SLC8A3: variants seen among roughly 807,000 people sequenced by gnomAD.
The protein encoded by SLC8A3 is solute carrier family 8 member A3.
Under a neutral mutation model 65.4 loss-of-function variants are expected in SLC8A3, and 37 were observed. That is an observed-to-expected ratio of 0.57 (90% CI 0.44 to 0.74). SLC8A3 has a LOEUF of 0.74. SLC8A3 is among the 30% of genes least tolerant of loss of function. SLC8A3 has a pLI of 0.00. For missense variants in SLC8A3, 1,112 were observed against 1,172.1 expected, an observed-to-expected ratio of 0.95 and a Z score of 0.75; for synonymous variants, 461 against 444.5, an observed-to-expected ratio of 1.04 and a Z score of -0.47.
At chr14:70,088,127 T>A (rs1891562523) in intron 2 of SLC8A3, among the ~76,000 whole-genome samples, 1 of 152,200 alleles carries the variant, frequency 6.6e-6, no homozygotes, top group South Asian at 2.1e-4. Context: ...AAGAAGATTA[T>A]GAATACTGAG....
intron 2 of SLC8A3, among the ~76,000 whole-genome samples, chr14:70,123,729 C>A (rs935021440): frequency 6.6e-6 from 1 of 152,092 alleles, no homozygotes; most frequent in African/African-American, 2.4e-5. Context: ...GGATTACAGG[C>A]GTGAGCCACC....
At position 70,128,119 on chromosome 14, in the gene SLC8A3, T is replaced by C. The variant is rs1894597315; in HGVS notation, c.1784+38520A>G. Among the ~76,000 whole-genome samples, 5 of 152,364 alleles carry C rather than the reference T, an allele frequency of 3.3e-5. No individual in the cohort carries two copies. The South Asian group carries it at 1.0e-3, about 32-fold the overall frequency. ...TACTTAAGGGCAATCCTATACATCC[T>C]GTTATGATGGATTGAAATTGGGCAG... On this transcript the variant is annotated intron_variant, in intron 2 of 6. Transcript: ENST00000356921.
intron 3 of SLC8A3, among the ~76,000 whole-genome samples, chr14:70,055,971 C>T (rs1453219176): frequency 1.3e-5 from 2 of 152,178 alleles, no homozygotes; most frequent in Non-Finnish European, 2.9e-5. Context: ...AAAAAGAAGC[C>T]TTTGGAGCAT....
At chr14:70,095,088 T>A (rs1892077124) in intron 2 of SLC8A3, among the ~76,000 whole-genome samples, 1 of 151,730 alleles carries the variant, frequency 6.6e-6, no homozygotes, top group South Asian at 2.1e-4. Flanking sequence ...CATAGAGACG[T>A]TGTGAGGTTT....
intron 2 of SLC8A3, among the ~76,000 whole-genome samples, chr14:70,161,183 G>T (rs370858672): frequency 6.9e-6 from 1 of 145,014 alleles, no homozygotes; most frequent in East Asian, 2.0e-4. Context: ...CTAGCTACTC[G>T]GGAGGCTGAG....
At chr14:70,051,515 G>T (rs1316470881) in intron 4 of SLC8A3, among the ~76,000 whole-genome samples, 4 of 152,034 alleles carry the variant, frequency 2.6e-5, no homozygotes. Context: ...TGCCCAGGCT[G>T]GTCTCAAATT....
chr14:70,147,143 G>A (rs1403769438), intron 2 of SLC8A3, among the ~76,000 whole-genome samples: 3 of 152,106 alleles, frequency 2.0e-5, no homozygotes, highest in Non-Finnish European at 1.5e-5. Flanking sequence ...TGCTTGGAAA[G>A]GTTTTCTATG....
chr14:70,144,773 G>T (rs1436527145), intron 2 of SLC8A3, among the ~76,000 whole-genome samples: 1 of 152,088 alleles, frequency 6.6e-6, no homozygotes, highest in African/African-American at 2.4e-5. Context: ...TCATTCAGTT[G>T]CCAGTTGCAT....
chr14:70,095,452 A>C (rs189200068), intron 2 of SLC8A3, among the ~76,000 whole-genome samples: 1 of 152,320 alleles, frequency 6.6e-6, no homozygotes, highest in Admixed American at 6.5e-5. Flanking sequence ...ATCTGTGAAA[A>C]GCACACAACT....
chr14:70,164,288 T>G (rs1011551731), intron 2 of SLC8A3, among the ~76,000 whole-genome samples: 5 of 152,166 alleles, frequency 3.3e-5, no homozygotes, highest in Non-Finnish European at 7.4e-5. Context: ...ATTTTTCTGC[T>G]CCGTAATACT....
At chr14:70,112,578 C>T (rs1893382884) in intron 2 of SLC8A3, among the ~76,000 whole-genome samples, 1 of 152,194 alleles carries the variant, frequency 6.6e-6, no homozygotes. Context: ...GGGCTTCTGG[C>T]TCTTTCCATT....
chr14:70,147,550 C>T (rs753236136), intron 2 of SLC8A3, among the ~76,000 whole-genome samples: 3 of 152,150 alleles, frequency 2.0e-5, no homozygotes, highest in Non-Finnish European at 4.4e-5. Context: ...TAATTAGGGT[C>T]CCTAATCAGT....
intron 2 of SLC8A3, among the ~76,000 whole-genome samples, chr14:70,063,599 C>T (rs1158763395): frequency 2.0e-5 from 3 of 152,158 alleles, no homozygotes; most frequent in Non-Finnish European, 4.4e-5. Flanking sequence ...CGTATGGATG[C>T]CATGTGTCAG....
intron 2 of SLC8A3, among the ~76,000 whole-genome samples, chr14:70,136,697 A>T (rs1895224037): frequency 2.0e-5 from 3 of 152,132 alleles, no homozygotes; most frequent in Admixed American, 2.0e-4. Flanking sequence ...CATCCTGCTT[A>T]TTTTTCTCAC....
At chr14:70,150,061 A>G (rs529023459) in intron 2 of SLC8A3, among the ~76,000 whole-genome samples, 80 of 152,326 alleles carry the variant, frequency 5.3e-4, no homozygotes, top group African/African-American at 1.8e-3. Flanking sequence ...GAGGGAATAC[A>G]ATTACTGCTG....
intron 2 of SLC8A3, among the ~76,000 whole-genome samples, chr14:70,131,438 G>A (rs1279813410): frequency 6.6e-6 from 1 of 152,202 alleles, no homozygotes; most frequent in African/African-American, 2.4e-5. Context: ...TTCCAAGCCT[G>A]TTTCTTCATC....
At chr14:70,125,097 T>A (rs1044429423) in intron 2 of SLC8A3, among the ~76,000 whole-genome samples, 1 of 152,144 alleles carries the variant, frequency 6.6e-6, no homozygotes, top group African/African-American at 2.4e-5. Flanking sequence ...TTTTCTAAAC[T>A]CATTTTGAGT....
intron 6 of SLC8A3, chr14:70,047,310 TTTTGTTTG>T (rs1027114315): frequency 1.3e-5 from 2 of 152,224 alleles, no homozygotes. Flanking sequence ...GGCCTTGTTT[TTTTGTTTG>T]TTTGTTTGTT....
intron 1 of SLC8A3, among the ~76,000 whole-genome samples, chr14:70,184,238 T>C (rs1405896027): frequency 6.6e-6 from 1 of 152,138 alleles, no homozygotes; most frequent in East Asian, 1.9e-4. Flanking sequence ...CCTCTTTACC[T>C]TCCTCTCTCT....
Sources: allele counts gnomAD v4.1 joint callset (sites outside exome capture counted in the v4.1 genomes callset), GRCh38; gene constraint gnomAD v4.1.1; transcripts MANE v1.5; gene names NCBI Gene and HGNC (gene_info 2026-07-23, HGNC 2026-07-21).